The following SBK1 variants were observed in gnomAD, a reference collection of about 807,000 sequenced individuals.
SBK1 encodes the protein SH3 domain binding kinase 1.
In SBK1, 11 loss-of-function variants were observed where a neutral mutation model predicts 24.4. The ratio of observed to expected loss-of-function variants is 0.45; its 90% CI spans 0.28 to 0.75. SBK1 has a LOEUF of 0.75. SBK1 is among the 30% of genes least tolerant of loss of function. SBK1 has a pLI of 0.12. For synonymous variants in SBK1, 308 were observed against 284.4 expected, an observed-to-expected ratio of 1.08 and a Z score of -0.83; for missense variants, 467 against 620.5, an observed-to-expected ratio of 0.75 and a Z score of 2.63.
In SBK1 at chr16:28,322,731, G is replaced by A. The variant is rs1295064791; in HGVS notation, c.*1810G>A. ...GTAGCAAACCCCCACTCCCTCCAAG[G>A]ACCAGGTCTCAGAGAAGGCCCTGGT... On this transcript the variant is annotated 3_prime_UTR_variant, in exon 4 of 4. Coordinates refer to ENST00000341901, the MANE Select transcript of SBK1 (RefSeq NM_001024401.3). 6.6e-6 allele frequency: 1 copy of A among 152,654 alleles called. No individual in the cohort carries two copies. Among genetic ancestry groups the A allele is most frequent in the African/African-American group, 2.4e-5 (1 of 41,366 alleles). The allele number at this position is 152,654 out of a possible 1,614,324, so 9.5% of individuals were successfully genotyped here.
At chr16:28,270,548 C>CCTAT (rs1567670025) in intron 1 of SBK1, among the ~76,000 whole-genome samples, 2 of 151,860 alleles carry the variant, frequency 1.3e-5, no homozygotes. Flanking sequence ...ATCTGAGCCT[C>CCTAT]CTGGGTACCT....
rs573232694 is a variant in SBK1, at chr16:28,275,965, C to T, written c.257+16463C>T. ...AAAGAAAAAGAAAGAATGAGGAGGA[C>T]GGAGTGGGGAAGAAGGGAACCTCTG... On this transcript the variant is annotated intron_variant, in intron 1 of 3. Transcript: ENST00000671413. 1.5e-4 allele frequency among the ~76,000 whole-genome samples: 23 copies of T among 152,124 alleles called. No individual in the cohort carries two copies. The South Asian group carries it at 2.3e-3, about 15-fold the overall frequency.
Position 28,302,968 on chromosome 16 carries a change from G to A in SBK1, c.-8+9668G>A, listed in dbSNP as rs572701524. ...AAAAAATAGAGCAGGGCATGGGGGG[G>A]GGTCAGGAGTGCAGTAGGGCAATCC... On this transcript the variant is annotated intron_variant, in intron 1 of 3. Coordinates refer to ENST00000341901, the MANE Select transcript of SBK1 (RefSeq NM_001024401.3). Among the ~76,000 whole-genome samples the A allele has an allele frequency of 1.1e-4, 16 of 151,880 alleles. No homozygotes were observed. The South Asian group carries it at 1.9e-3, about 18-fold the overall frequency.
chr16:28,282,492 G>A lies in SBK1; in HGVS notation c.257+22990G>A, dbSNP rs961498159. ...CTCCTCTGTACCCCGGTCTCAGTAG[G>A]AATTTTACATTTGTTGGCATGATTA... On this transcript the variant is annotated intron_variant, in intron 1 of 3. Transcript: ENST00000671413. Among the ~76,000 whole-genome samples the A allele has an allele frequency of 2.6e-5, 4 of 152,286 alleles. No individual in the cohort carries two copies. The East Asian group carries it at 5.8e-4, about 22-fold the overall frequency.
chr16:28,318,716 C>T (rs906002284), intron 2 of SBK1, among the ~76,000 whole-genome samples: 3 of 152,154 alleles, frequency 2.0e-5, no homozygotes, highest in Admixed American at 1.3e-4. Context: ...AAGCATATGG[C>T]GGGCAGGACA....
At position 28,293,190 on chromosome 16, in the gene SBK1, G is replaced by C. The variant is rs2044614078; in HGVS notation, c.-118G>C. ...GGGCGACTGAGCCCCTGGCGGCACCGCTTGCACCCCGGTCCATGGTCGTGG... is the reference window on the plus strand; with the variant it reads ...GGGCGACTGAGCCCCTGGCGGCACCCCTTGCACCCCGGTCCATGGTCGTGG... On this transcript the variant is annotated 5_prime_UTR_variant, in exon 1 of 4. Coordinates refer to ENST00000341901, the MANE Select transcript of SBK1 (RefSeq NM_001024401.3). The C allele has an allele frequency of 1.0e-6, 1 of 985,340 alleles. No homozygotes were observed. Among genetic ancestry groups the C allele is most frequent in the African/African-American group, 1.7e-5 (1 of 57,214 alleles). 61.0% of individuals were successfully genotyped at this position (985,340 alleles called of 1,614,324 possible). A position where few individuals can be genotyped will look rare whatever the true frequency, so the allele number is the denominator to read the frequency against.
intron 1 of SBK1, among the ~76,000 whole-genome samples, chr16:28,266,534 T>C (rs2141558863): frequency 6.6e-6 from 1 of 152,218 alleles, no homozygotes; most frequent in East Asian, 1.9e-4. Context: ...CAGATCTCAC[T>C]GAGCTGAAAT....
rs2044868443 is a variant in SBK1 at position 28,322,966 on chromosome 16, CTCTCTCTCTCTCTCCTCTCTT to C, written c.*2056_*2076del. 1.6e-5 allele frequency: 2 copies of C among 128,822 alleles called. No individual in the cohort carries two copies. Among genetic ancestry groups the C allele is most frequent in the East Asian group, 2.2e-4 (1 of 4,550 alleles). 8.0% of individuals were successfully genotyped at this position (128,822 alleles called of 1,614,324 possible). On this transcript the variant is annotated 3_prime_UTR_variant, in exon 4 of 4. Coordinates refer to ENST00000341901, the MANE Select transcript of SBK1 (RefSeq NM_001024401.3). The stretch of plus-strand genomic sequence containing the variant: ...TCTCTCTCTCTCTCTCTCTCTCTCT[CTCTCTCTCTCTCTCCTCTCTT>C]TCTCTCTCTCCCTCTCTCTGTTAAG...
intron 1 of SBK1, among the ~76,000 whole-genome samples, chr16:28,303,912 T>C (rs907852358): frequency 1.3e-5 from 2 of 152,128 alleles, no homozygotes; most frequent in East Asian, 1.9e-4. Context: ...AGGGAGCTAG[T>C]GACAACTGCT....
chr16:28,292,441 A>C (rs2044606154), upstream of SBK1: 2 of 739,222 alleles, frequency 2.7e-6, no homozygotes, highest in East Asian at 1.4e-4. Flanking sequence ...GGGACGGACA[A>C]AGGGGCGGGC....
intron 1 of SBK1, among the ~76,000 whole-genome samples, chr16:28,308,740 G>GGTGTGTGTGTGTGTGT (rs763015809): frequency 2.3e-5 from 3 of 130,536 alleles, no homozygotes; most frequent in Admixed American, 8.0e-5. Context: ...CGTTCTTTGG[G>GGTGTGTGTGTGTGTGT]GTGTGTGTGT....
chr16:28,295,346 G>A (rs1596547313), intron 1 of SBK1, among the ~76,000 whole-genome samples: 2 of 152,064 alleles, frequency 1.3e-5, no homozygotes, highest in Admixed American at 6.6e-5. Context: ...CCTCCGTCAC[G>A]TGCTCTTCCC....
chr16:28,262,666 G>C (rs1175441899), intron 1 of SBK1, among the ~76,000 whole-genome samples: 1 of 152,204 alleles, frequency 6.6e-6, no homozygotes, highest in Non-Finnish European at 1.5e-5. Context: ...TCTGTTGTGG[G>C]ACAATGCAAG....
At chr16:28,261,603 C>A (rs569905900) in intron 1 of SBK1, among the ~76,000 whole-genome samples, 1 of 152,234 alleles carries the variant, frequency 6.6e-6, no homozygotes, top group East Asian at 1.9e-4. Context: ...GCACTCCAGC[C>A]TAGGCGACAG....
chr16:28,259,504 T>C lies in SBK1; in HGVS notation c.257+2T>C. ...GCTGGAAGAAGTCCCATTGCGGAGG[T>C]CAGTGCTCGTGGGTGGCCAGTGGGT... On this transcript the variant is annotated splice_donor_variant, in intron 1 of 3. Coordinates refer to the SBK1 transcript ENST00000671413. LOFTEE classifies it high-confidence loss of function. The surrounding 1 kb of genome is among the most constrained non-coding windows in gnomAD (Gnocchi z 6.0). 1.0e-6 allele frequency: 1 copy of C among 978,778 alleles called. No individual in the cohort carries two copies. Among genetic ancestry groups the C allele is most frequent in the Non-Finnish European group, 1.2e-6 (1 of 823,908 alleles). The allele number at this position is 978,778 out of a possible 1,614,324, so 60.6% of individuals were successfully genotyped here. A position where few individuals can be genotyped will look rare whatever the true frequency, so the allele number is the denominator to read the frequency against.
chr16:28,290,785 A>C (rs1212416045), upstream of SBK1: 1 of 152,266 alleles, frequency 6.6e-6, no homozygotes, highest in Admixed American at 6.5e-5. Context: ...CCGACAAGTT[A>C]AGAACTGAAA....
At chr16:28,303,212 C>G (rs1246717150) in intron 1 of SBK1, among the ~76,000 whole-genome samples, 2 of 151,776 alleles carry the variant, frequency 1.3e-5, no homozygotes, top group African/African-American at 2.4e-5. Context: ...CTTTGGAACA[C>G]AATGAGAGCC....
chr16:28,293,312 C>T lies in SBK1; in HGVS notation c.-8+12C>T. The T allele has an allele frequency of 1.0e-6, 1 of 984,182 alleles. No homozygotes were observed. Among genetic ancestry groups the T allele is most frequent in the Non-Finnish European group, 1.2e-6 (1 of 828,794 alleles). 61.0% of individuals were successfully genotyped at this position (984,182 alleles called of 1,614,324 possible). ...CGGCCCCAGCCCAGGTAAGCCGGGC[C>T]CAGGTGAGGGGCGGCAGGTGAGTGG... On this transcript the variant is annotated intron_variant, in intron 1 of 3. Coordinates refer to ENST00000341901, the MANE Select transcript of SBK1 (RefSeq NM_001024401.3).
intron 1 of SBK1, among the ~76,000 whole-genome samples, chr16:28,309,878 CTGTG>C (rs1213974211): frequency 6.6e-6 from 1 of 152,168 alleles, no homozygotes; most frequent in Non-Finnish European, 1.5e-5. Flanking sequence ...GCATGTGTGT[CTGTG>C]TGGATGCTTG....
Sources: allele counts gnomAD v4.1 joint callset (sites outside exome capture counted in the v4.1 genomes callset), GRCh38; gene constraint gnomAD v4.1.1; non-coding constraint Gnocchi (gnomAD v3.1); transcripts MANE v1.5; gene names NCBI Gene and HGNC (gene_info 2026-07-23, HGNC 2026-07-21).